Variants in FAM53A observed in about 807,000 individuals in gnomAD.
FAM53A encodes protein FAM53A.
Under a neutral mutation model 26.6 loss-of-function variants are expected in FAM53A, and 28 were observed. That is an observed-to-expected ratio of 1.05 (90% CI 0.78 to 1.45). The LOEUF is 1.45. Among genes scored for constraint, FAM53A ranks in the 40% most tolerant of loss-of-function variants. The pLI, the probability that FAM53A is intolerant of heterozygous loss-of-function variation, is 0.00. For synonymous variants in FAM53A, 290 were observed against 253.1 expected (o/e 1.15, Z -1.38); for missense variants, 650 against 575.8 (o/e 1.13, Z -1.32).
intron 4 of FAM53A, among the ~76,000 whole-genome samples, chr4:1,645,420 G>A (rs1472264132): frequency 1.3e-5 from 2 of 152,238 alleles, no homozygotes; most frequent in Non-Finnish European, 2.9e-5. Context: ...ATTCTAGACA[G>A]GGGAGCTGGC....
the FAM53A span, among the ~76,000 whole-genome samples, chr4:1,597,082 G>A: frequency 6.6e-6 from 1 of 152,146 alleles, no homozygotes; most frequent in Non-Finnish European, 1.5e-5. Context: ...GGATCCAGTG[G>A]GGCAGGGCCT....
At chr4:1,618,792 G>A (rs909208575) in intron 1 of FAM53A, among the ~76,000 whole-genome samples, 2 of 152,176 alleles carry the variant, frequency 1.3e-5, no homozygotes, top group Non-Finnish European at 2.9e-5. Context: ...CACCATCCCA[G>A]CGGGGGAATG....
rs1713647929 is a variant in FAM53A at position 1,659,244 on chromosome 4, C to T, written c.76-1776G>A. ...GTTCTCCCACCCCGGGACCCGGGTC[C>T]GATGGAAGAGAGGAGAGGCAGCTCT... On this transcript the variant is annotated intron_variant, in intron 2 of 4. Transcript: ENST00000308132. This position sits in a 1 kb window ranked among gnomAD's most constrained non-coding sequence, Gnocchi z 5.2. 2.0e-5 allele frequency among the ~76,000 whole-genome samples: 3 copies of T among 152,132 alleles called. No homozygotes were observed. Among genetic ancestry groups the T allele is most frequent in the Admixed American group, 6.5e-5 (1 of 15,272 alleles).
chr4:1,629,219 C>T (rs983074078), intron 1 of FAM53A, among the ~76,000 whole-genome samples: 3 of 152,088 alleles, frequency 2.0e-5, no homozygotes, highest in Admixed American at 6.5e-5. Context: ...GCACCTGGGA[C>T]CCCAGGGGGT....
chr4:1,621,152 G>C (rs1715014842), intron 1 of FAM53A, among the ~76,000 whole-genome samples: 1 of 134,024 alleles, frequency 7.5e-6, no homozygotes, highest in Non-Finnish European at 1.5e-5. Context: ...ACCCAGGCTG[G>C]AGTGCAGTGG....
At chr4:1,648,110 G>C (rs770521929) in intron 4 of FAM53A, among the ~76,000 whole-genome samples, 3 of 152,232 alleles carry the variant, frequency 2.0e-5, no homozygotes, top group Admixed American at 2.0e-4. Context: ...TTAGGAGGCT[G>C]AGGTGGGAGG....
chr4:1,586,615 A>AT, the FAM53A span, among the ~76,000 whole-genome samples: 1 of 151,164 alleles, frequency 6.6e-6, no homozygotes, highest in African/African-American at 2.5e-5. Context: ...CTCTACTAAA[A>AT]AAATATATAT....
chr4:1,575,251 A>G, the FAM53A span, among the ~76,000 whole-genome samples: 2 of 152,176 alleles, frequency 1.3e-5, no homozygotes, highest in South Asian at 4.1e-4. Flanking sequence ...CAGCCACAGG[A>G]TGGGATGCTG....
At chr4:1,590,111 C>A in the FAM53A span, among the ~76,000 whole-genome samples, 1 of 152,106 alleles carries the variant, frequency 6.6e-6, no homozygotes, top group Non-Finnish European at 1.5e-5. Flanking sequence ...TGTATAATTT[C>A]TTTATGATTT....
the FAM53A span, among the ~76,000 whole-genome samples, chr4:1,581,590 C>A: frequency 6.6e-6 from 1 of 152,056 alleles, no homozygotes; most frequent in Non-Finnish European, 1.5e-5. Context: ...GGCCAAATAT[C>A]TTTTTTTGTT....
In FAM53A at chr4:1,641,386, G is replaced by A. The variant is rs762009470; in HGVS notation, c.1104C>T (p.Ser368=). Residue 368 remains serine (S), a synonymous_variant, in exon 5 of 5, where the codon AGC becomes AGT. Transcript: ENST00000308132. ...CACTGTCCCCATCACGGGGGTCCCC[G>A]CTGCTCCTGCGGGAGCCATCACTGG... ...SVTSDGSRRS[S]GDPRDGDSVG... is the part of the protein sequence containing the mutation. The A allele has an allele frequency of 4.3e-6, 7 of 1,610,956 alleles. No individual in the cohort carries two copies. The highest frequency in any genetic ancestry group is 1.6e-4 in the Middle Eastern group (1 of 6,064).
At chr4:1,670,343 G>T (rs1714549461) in intron 1 of FAM53A, among the ~76,000 whole-genome samples, 1 of 152,262 alleles carries the variant, frequency 6.6e-6, no homozygotes. Context: ...GAGGGCCAGG[G>T]CAAAGGCGCC....
At chr4:1,643,268 C>A (rs190796044) in intron 4 of FAM53A, among the ~76,000 whole-genome samples, 41 of 152,172 alleles carry the variant, frequency 2.7e-4, no homozygotes, top group Middle Eastern at 3.4e-3. Flanking sequence ...AGATCAAGAC[C>A]ATCCTGGCTA....
At chr4:1,668,508 C>G (rs1192410587) in intron 2 of FAM53A, among the ~76,000 whole-genome samples, 159 bp downstream of exon 2, 1 of 152,150 alleles carries the variant, frequency 6.6e-6, no homozygotes, top group Non-Finnish European at 1.5e-5. Flanking sequence ...CTGATGGGCT[C>G]TGGGGCCCAC....
intron 1 of FAM53A, among the ~76,000 whole-genome samples, chr4:1,618,394 G>A (rs1198332494): frequency 6.6e-6 from 1 of 152,214 alleles, no homozygotes; most frequent in African/African-American, 2.4e-5. Context: ...GTTGGGGCCT[G>A]ACCACAGCTC....
intron 2 of FAM53A, among the ~76,000 whole-genome samples, chr4:1,660,296 A>C (rs1223835200): frequency 1.3e-5 from 2 of 149,874 alleles, no homozygotes; most frequent in East Asian, 4.0e-4. Flanking sequence ...AAAAGAAGAA[A>C]AAAACGAAAT....
chr4:1,618,087 T>C (rs1183993590), exon 2 of FAM53A: 1 of 456,212 alleles, frequency 2.2e-6, no homozygotes, highest in Non-Finnish European at 4.4e-6. Context: ...GGCAACATAC[T>C]TGGTGAAACA....
the FAM53A span, among the ~76,000 whole-genome samples, chr4:1,611,789 C>A: frequency 6.6e-6 from 1 of 152,200 alleles, no homozygotes; most frequent in Non-Finnish European, 1.5e-5. Flanking sequence ...AGCCCCTCTG[C>A]CAGGAGGTGG....
chr4:1,645,290 G>A (rs563882394), intron 4 of FAM53A, among the ~76,000 whole-genome samples: 4 of 152,258 alleles, frequency 2.6e-5, no homozygotes, highest in East Asian at 1.9e-4. Flanking sequence ...AGCTCCGTGC[G>A]TGTGTCAGGC....
Sources: gnomAD v4.1 joint callset for allele counts (sites outside exome capture counted in the v4.1 genomes callset) on GRCh38, gnomAD v4.1.1 for gene constraint, Gnocchi (gnomAD v3.1) non-coding constraint, MANE v1.5 for transcripts, NCBI Gene and HGNC (gene_info 2026-07-23, HGNC 2026-07-21) for gene names.